PALB2: variants seen among roughly 807,000 people sequenced by gnomAD.
PALB2 encodes the protein mutant partner and localizer of BRCA2.
A neutral mutation model predicts 107.4 loss-of-function variants in PALB2; 82 were observed. The ratio of observed to expected loss-of-function variants is 0.76; its 90% CI spans 0.64 to 0.92. The LOEUF (loss-of-function observed/expected upper bound fraction) is 0.92, where lower values mean the gene tolerates loss of function less well. PALB2 is among the 40% of genes least tolerant of loss of function. The pLI, the probability that PALB2 is intolerant of heterozygous loss-of-function variation, is 0.00. For missense variants in PALB2, 1,374 were observed against 1,379.9 expected (o/e 1.00, Z 0.07); for synonymous variants, 489 against 496.8 (o/e 0.98, Z 0.21).
intron 1 of PALB2, among the ~76,000 whole-genome samples, chr16:23,639,940 G>A (rs1967174639): frequency 6.6e-6 from 1 of 152,102 alleles, no homozygotes; most frequent in Non-Finnish European, 1.5e-5. Flanking sequence ...GGCGTGCAGT[G>A]GCGCGATCTC....
rs878855106 is a variant in PALB2 at position 23,636,337 on chromosome 16, G to T, written c.212-3C>A. 1 of 1,582,982 alleles carries T rather than the reference G, an allele frequency of 6.3e-7. No homozygotes were observed. Among genetic ancestry groups the T allele is most frequent in the South Asian group, 1.2e-5 (1 of 86,346 alleles). On this transcript the variant is annotated splice_polypyrimidine_tract_variant and splice_region_variant and intron_variant, in intron 3 of 12. Coordinates refer to ENST00000261584, the MANE Select transcript of PALB2 (RefSeq NM_024675.4). Reference sequence around the variant, plus strand: ...AACACATATTTTATTTTTAGGTTCTGAGGAGGAAAAAAATGTATATAACTT... The same window carrying T: ...AACACATATTTTATTTTTAGGTTCTTAGGAGGAAAAAAATGTATATAACTT...
intron 12 of PALB2, among the ~76,000 whole-genome samples, chr16:23,605,174 C>T (rs1966447790): frequency 6.6e-6 from 1 of 152,158 alleles, no homozygotes; most frequent in South Asian, 2.1e-4. Context: ...CTGCATGATA[C>T]TTTTTATCCC....
At position 23,630,024 on chromosome 16, in the gene PALB2, C is replaced by T. The variant is rs774049060; in HGVS notation, c.2130G>A (p.Thr710=). 8 of 1,614,054 alleles carry T rather than the reference C, an allele frequency of 5.0e-6. No homozygotes were observed. The highest frequency in any genetic ancestry group is 5.1e-6 in the Non-Finnish European group (6 of 1,180,024). Residue 710 remains threonine, a synonymous_variant, in exon 5 of 13, where the codon ACG becomes ACA. Transcript: ENST00000261584. ...SSILLYTPLN[T]VAPDDNDRPT... ...GCCTGTCATTATCATCAGGCGCAACCGTATTTAAAGGAGTATAAAGTAATA... is the reference window on the plus strand; with the variant it reads ...GCCTGTCATTATCATCAGGCGCAACTGTATTTAAAGGAGTATAAAGTAATA...
intron 11 of PALB2, among the ~76,000 whole-genome samples, chr16:23,608,797 T>TACACACACACACACACACAC (rs1310999089): frequency 0.027 from 3,001 of 111,144 alleles, 71 homozygotes; most frequent in African/African-American, 0.075. Context: ...TGTGTGTATA[T>TACACACACACACACACACAC]ATATACACAC....
intron 1 of PALB2, chr16:23,640,837 G>T: frequency 4.9e-6 from 2 of 408,584 alleles, no homozygotes; most frequent in Non-Finnish European, 4.4e-6. Context: ...TGTGGGAGGG[G>T]GGAGGAGCAA....
In PALB2 at chr16:23,614,068, A is replaced by T. The variant is rs1966636283; in HGVS notation, c.3137T>A (p.Leu1046Gln). Residue 1046 changes from leucine to glutamine, a missense_variant, in exon 11 of 13, where the codon CTG becomes CAG. Coordinates refer to ENST00000261584, the MANE Select transcript of PALB2 (RefSeq NM_024675.4). ...AGAATCATCAATGTGCATCTTTTTC[A>T]GGAGTTGACCAGTTTTTAAATTCCT... Reference protein sequence around the residue: ...VIWNLKTGQLLKKMHIDDSYQ... With the variant: ...VIWNLKTGQLQKKMHIDDSYQ... 6.2e-7 allele frequency: 1 copy of T among 1,612,848 alleles called. No individual in the cohort carries two copies. The highest frequency in any genetic ancestry group is 8.5e-7 in the Non-Finnish European group (1 of 1,178,964).
intron 10 of PALB2, 48 bp from the exon 11 acceptor site, chr16:23,614,139 A>T: frequency 7.4e-7 from 1 of 1,346,142 alleles, no homozygotes; most frequent in Non-Finnish European, 1.1e-6. Context: ...CCAACAAACC[A>T]GTTTTCAGAA....
chr16:23,634,753 C>T (rs1389443364), intron 4 of PALB2, 109 bp downstream of exon 4: 6 of 1,460,576 alleles, frequency 4.1e-6, no homozygotes, highest in East Asian at 5.0e-5. Flanking sequence ...TAAGCCACCA[C>T]ACTTGGCCCT....
chr16:23,615,582 G>A (rs111781608), intron 10 of PALB2, among the ~76,000 whole-genome samples: 5,084 of 152,270 alleles, frequency 0.033, 118 homozygotes, highest in Middle Eastern at 0.086. Flanking sequence ...TGGGATTACA[G>A]GTGTGAGAGA....
Position 23,622,980 on chromosome 16 carries a change from T to A in PALB2, c.2985A>T (p.Ala995=), listed in dbSNP as rs786202892. The change falls in exon 9 of 13, where the codon GCA becomes GCT. Residue 995 remains alanine, a synonymous_variant. Coordinates refer to ENST00000261584, the MANE Select transcript of PALB2 (RefSeq NM_024675.4). ...AATGCTTTTCTTACCCTCCATCTTC[T>A]GCAAACGTCATGACTTCTACTTGTT... ...SDQQVEVMTF[A]EDGGGKENQF... is the part of the protein sequence containing the mutation. 5.0e-6 allele frequency: 8 copies of A among 1,614,060 alleles called. No individual in the cohort carries two copies. The Admixed American group carries it at 1.3e-4, about 27-fold the overall frequency.
intron 12 of PALB2, among the ~76,000 whole-genome samples, chr16:23,606,248 A>G (rs1272231879): frequency 6.6e-6 from 1 of 152,078 alleles, no homozygotes; most frequent in Admixed American, 6.5e-5. Flanking sequence ...TTCTTAAAAA[A>G]AAAAAAAATT....
intron 7 of PALB2, 122 bp downstream of exon 7, chr16:23,626,114 G>T: frequency 8.6e-7 from 1 of 1,162,226 alleles, no homozygotes. Flanking sequence ...AAAATGTTGG[G>T]AAAAAAACCT....
chr16:23,630,424 T>C lies in PALB2; in HGVS notation c.1730A>G (p.Asn577Ser), dbSNP rs1597091371. ...ATCATCCAAGGATAAATAAGCACTA[T>C]TACTCCAAGAAAGGGAATCCTCTTT... ...HQKEDSLSWS[N>S]SAYLSLDDDA... The change falls in exon 5 of 13, where the codon AAT becomes AGT. Residue 577 changes from asparagine to serine, a missense_variant. Coordinates refer to ENST00000261584, the MANE Select transcript of PALB2 (RefSeq NM_024675.4). 1 of 1,613,950 alleles carries C rather than the reference T, an allele frequency of 6.2e-7. No individual in the cohort carries two copies. Among genetic ancestry groups the C allele is most frequent in the African/African-American group, 1.3e-5 (1 of 75,046 alleles).
rs786201142 is a variant in PALB2, at chr16:23,607,927, T to C, written c.3287A>G (p.Asn1096Ser). 2 of 1,613,954 alleles carry C rather than the reference T, an allele frequency of 1.2e-6. No individual in the cohort carries two copies. Among genetic ancestry groups the C allele is most frequent in the Admixed American group, 1.7e-5 (1 of 59,986 alleles). ...ACCCACGCTGAGAGTCGTCTTAGGGTTAATCACAATGAGCTGAAACACAGG... is the reference window on the plus strand; with the variant it reads ...ACCCACGCTGAGAGTCGTCTTAGGGCTAATCACAATGAGCTGAAACACAGG... ...RSPVFQLIVINPKTTLSVGVM... is the reference protein window; with the variant it reads ...RSPVFQLIVISPKTTLSVGVM... Residue 1096 changes from asparagine (N) to serine (S), a missense_variant, in exon 12 of 13, where the codon AAC becomes AGC. Asn to Ser is a conservative substitution (Grantham distance 46). Coordinates refer to ENST00000261584, the MANE Select transcript of PALB2 (RefSeq NM_024675.4).
In PALB2 at chr16:23,635,492, C is replaced by G. The variant is rs201035780; in HGVS notation, c.1054G>C (p.Glu352Gln). Reference sequence around the variant, plus strand: ...TCACTGGGAGATTTTAAAGATTTCTCTGTTTGATTTTGTTCTTTTAAGTTT... The same window carrying G: ...TCACTGGGAGATTTTAAAGATTTCTGTGTTTGATTTTGTTCTTTTAAGTTT... The part of the protein sequence containing the change: ...NQNLKEQNQT[E>Q]KSLKSPSDTL... The change falls in exon 4 of 13, where the codon GAG (glutamate) becomes CAG (glutamine). Residue 352 changes from glutamate to glutamine, a missense_variant. Coordinates refer to ENST00000261584, the MANE Select transcript of PALB2 (RefSeq NM_024675.4). 1.7e-5 allele frequency: 27 copies of G among 1,614,062 alleles called. No homozygotes were observed. The East Asian group carries it at 5.1e-4, about 31-fold the overall frequency.
In PALB2 at chr16:23,630,388, G is replaced by A. The variant is rs773340677; in HGVS notation, c.1766C>T (p.Thr589Met). The A allele has an allele frequency of 1.1e-5, 18 of 1,613,914 alleles. No homozygotes were observed. Among genetic ancestry groups the A allele is most frequent in the Admixed American group, 5.0e-5 (3 of 59,992 alleles). ...AYLSLDDDAF[T>M]APFHRDGMLS... ...CATTCCATCCCTATGAAATGGAGCC[G>A]TGAAAGCATCATCATCCAAGGATAA... Residue 589 changes from threonine (T) to methionine (M), a missense_variant, in exon 5 of 13, where the codon ACG (threonine) becomes ATG (methionine). Physicochemically the swap from Thr to Met is moderately conservative, Grantham distance 81 (BLOSUM62 -1). Coordinates refer to ENST00000261584, the MANE Select transcript of PALB2 (RefSeq NM_024675.4).
chr16:23,627,500 A>G (rs962183143), intron 6 of PALB2, among the ~76,000 whole-genome samples: 2 of 151,334 alleles, frequency 1.3e-5, no homozygotes, highest in Non-Finnish European at 2.9e-5. Flanking sequence ...TCTCAAAAAA[A>G]AAAAAAAAAA....
chr16:23,637,876 TC>T lies in PALB2; in HGVS notation c.184del (p.Asp62IlefsTer6). 6.2e-7 allele frequency: 1 copy of T among 1,613,766 alleles called. No individual in the cohort carries two copies. Among genetic ancestry groups the T allele is most frequent in the Non-Finnish European group, 8.5e-7 (1 of 1,179,712 alleles). On this transcript the variant is annotated frameshift_variant, in exon 3 of 13. Transcript: ENST00000261584. LOFTEE classifies it high-confidence loss of function. Reference protein sequence around the residue: ...VEEQDCLSQQDLSPQLKHSEP... With the variant: ...VEEQDCLSQQXLSPQLKHSEP... ...TGAGTGTTTTAGCTGCGGTGAGAGA[TC>T]CTGCTGAGACAAACAATCTTGTTCT...
At chr16:23,627,210 G>C (rs947489748) in intron 6 of PALB2, among the ~76,000 whole-genome samples, 1 of 151,968 alleles carries the variant, frequency 6.6e-6, no homozygotes, top group Non-Finnish European at 1.5e-5. Context: ...AATCACGGCC[G>C]GGCGCGGTGG....
Sources: allele counts gnomAD v4.1 joint callset (sites outside exome capture counted in the v4.1 genomes callset), GRCh38; gene constraint gnomAD v4.1.1; transcripts MANE v1.5; gene names NCBI Gene and HGNC (gene_info 2026-07-23, HGNC 2026-07-21).